CENPP: variants seen among roughly 807,000 people sequenced by gnomAD.
CENPP encodes centromere protein P.
CENPP carries 24 observed loss-of-function variants against 35.6 expected under a neutral mutation model. The ratio of observed to expected loss-of-function variants is 0.67; its 90% CI spans 0.49 to 0.95. The LOEUF is 0.95. Among genes scored for constraint, CENPP ranks in the 40% least tolerant of loss-of-function variants. The pLI, the probability that CENPP is intolerant of heterozygous loss-of-function variation, is 0.00. For synonymous variants in CENPP, 120 were observed against 125.5 expected (o/e 0.96, Z 0.29); for missense variants, 332 against 345.3 (o/e 0.96, Z 0.31).
intron 4 of CENPP, among the ~76,000 whole-genome samples, chr9:92,349,744 A>G (rs1841396668): frequency 6.6e-6 from 1 of 152,194 alleles, no homozygotes; most frequent in African/African-American, 2.4e-5. Context: ...ATAATATAGC[A>G]TATTATCTTT....
At chr9:92,473,859 G>A (rs569845427) in intron 5 of CENPP, among the ~76,000 whole-genome samples, 120 of 152,208 alleles carry the variant, frequency 7.9e-4, no homozygotes, top group Non-Finnish European at 1.4e-3. Context: ...CACGTCTAAT[G>A]CTTTTCAAGA....
chr9:92,437,480 G>A (rs1204120767), intron 5 of CENPP, among the ~76,000 whole-genome samples: 1 of 147,372 alleles, frequency 6.8e-6, no homozygotes, highest in African/African-American at 2.5e-5. Flanking sequence ...TAGGTTCTTG[G>A]TTCACTGAAG....
At chr9:92,431,500 C>T (rs990533954) in intron 5 of CENPP, among the ~76,000 whole-genome samples, 3 of 152,090 alleles carry the variant, frequency 2.0e-5, no homozygotes, top group African/African-American at 4.8e-5. Context: ...AACATCTTTT[C>T]GAATGTTTTT....
chr9:92,597,757 A>T (rs1001567486), intron 5 of CENPP, among the ~76,000 whole-genome samples: 4 of 152,202 alleles, frequency 2.6e-5, no homozygotes, highest in Non-Finnish European at 5.9e-5. Context: ...CAAAGCTTAA[A>T]ATTACTACAT....
chr9:92,619,148 A>G lies in CENPP; in HGVS notation c.*5999A>G, dbSNP rs1479629311. The G allele has an allele frequency of 3.8e-6, 1 of 266,338 alleles. No homozygotes were observed. The highest frequency in any genetic ancestry group is 7.3e-6 in the Non-Finnish European group (1 of 136,514). 16.5% of individuals were successfully genotyped at this position (266,338 alleles called of 1,614,324 possible). On this transcript the variant is annotated 3_prime_UTR_variant, in exon 8 of 8. Transcript: ENST00000375587. ...AGGAACAAGGGCCACAGGTACCCAC[A>G]CATCTCAGGGGCTGGCTTTCTTTGA...
intron 4 of CENPP, among the ~76,000 whole-genome samples, chr9:92,379,470 C>A (rs946205295): frequency 1.3e-5 from 2 of 152,156 alleles, no homozygotes; most frequent in Admixed American, 6.5e-5. Context: ...CTTCATTATT[C>A]TTTATTATAC....
chr9:92,537,121 C>T (rs1405078522), intron 5 of CENPP, among the ~76,000 whole-genome samples: 1 of 151,772 alleles, frequency 6.6e-6, no homozygotes, highest in Non-Finnish European at 1.5e-5. Context: ...TGTGATCCAC[C>T]CACCTCGGCC....
intron 5 of CENPP, among the ~76,000 whole-genome samples, chr9:92,458,055 T>C (rs1844950544): frequency 6.6e-6 from 1 of 152,174 alleles, no homozygotes; most frequent in Non-Finnish European, 1.5e-5. Context: ...TGTAGAAAGA[T>C]CTATCAACAT....
intron 5 of CENPP, chr9:92,474,825 C>T (rs146516859): frequency 1.2e-5 from 20 of 1,613,528 alleles, no homozygotes; most frequent in African/African-American, 5.3e-5. Context: ...TTCTTCAGTG[C>T]GATGTGTGAA....
At chr9:92,365,663 G>A (rs928358577) in intron 4 of CENPP, among the ~76,000 whole-genome samples, 1 of 151,410 alleles carries the variant, frequency 6.6e-6, no homozygotes, top group Non-Finnish European at 1.5e-5. Context: ...CACCCGTCTG[G>A]GCCTCACAAA....
intron 5 of CENPP, among the ~76,000 whole-genome samples, chr9:92,592,967 T>A (rs529968331): frequency 6.6e-6 from 1 of 152,210 alleles, no homozygotes; most frequent in Admixed American, 6.5e-5. Context: ...CCAACCTAAG[T>A]TGGCTTAAAC....
intron 5 of CENPP, among the ~76,000 whole-genome samples, chr9:92,455,669 C>A (rs1217706684): frequency 6.6e-6 from 1 of 152,078 alleles, no homozygotes; most frequent in African/African-American, 2.4e-5. Flanking sequence ...TATTTAAAAT[C>A]TTGTTTTTGA....
chr9:92,347,645 T>C (rs1276834663), intron 4 of CENPP, among the ~76,000 whole-genome samples: 1 of 152,226 alleles, frequency 6.6e-6, no homozygotes, highest in Non-Finnish European at 1.5e-5. Context: ...TTGGTATCTT[T>C]AGGTTTTGAA....
chr9:92,527,185 T>A (rs1848467717), intron 5 of CENPP, among the ~76,000 whole-genome samples: 1 of 152,030 alleles, frequency 6.6e-6, no homozygotes, highest in Admixed American at 6.5e-5. Flanking sequence ...ATTTTTATAT[T>A]TTTTTTGTAG....
At chr9:92,475,391 T>C (rs1845680386) in intron 5 of CENPP, among the ~76,000 whole-genome samples, 1 of 152,108 alleles carries the variant, frequency 6.6e-6, no homozygotes, top group Non-Finnish European at 1.5e-5. Context: ...CAAACACTCA[T>C]AAACAAACAA....
intron 5 of CENPP, among the ~76,000 whole-genome samples, chr9:92,608,341 G>T (rs982693442): frequency 9.3e-5 from 14 of 151,180 alleles, no homozygotes; most frequent in Admixed American, 4.0e-4. Flanking sequence ...CACTTTTTTT[G>T]TGTGTGTAAC....
intron 5 of CENPP, among the ~76,000 whole-genome samples, chr9:92,478,259 G>T (rs1048551723): frequency 6.6e-6 from 1 of 152,104 alleles, no homozygotes; most frequent in Non-Finnish European, 1.5e-5. Flanking sequence ...GTAATCAAAG[G>T]TTTCTCATAC....
chr9:92,473,273 GGAGGCCA>G (rs1845593610), intron 5 of CENPP, among the ~76,000 whole-genome samples: 2 of 152,118 alleles, frequency 1.3e-5, no homozygotes, highest in Non-Finnish European at 2.9e-5. Flanking sequence ...TGGCACATAT[GGAGGCCA>G]GCACGTGGGG....
At chr9:92,514,627 T>C (rs753295603) in intron 5 of CENPP, 1 of 1,563,934 alleles carries the variant, frequency 6.4e-7, no homozygotes, top group Non-Finnish European at 8.7e-7. Context: ...TCAACATCTC[T>C]TACCAGTGAG....
Sources: gnomAD v4.1 joint callset for allele counts (sites outside exome capture counted in the v4.1 genomes callset) on GRCh38, gnomAD v4.1.1 for gene constraint, MANE v1.5 for transcripts, NCBI Gene and HGNC (gene_info 2026-07-23, HGNC 2026-07-21) for gene names.